Variants in RBMS1 observed in about 807,000 individuals in gnomAD.
The protein encoded by RBMS1 is RNA-binding motif, single-stranded-interacting protein 1.
RBMS1 carries 17 observed loss-of-function variants against 62.3 expected under a neutral mutation model. The observed-to-expected ratio is 0.27, with a 90% CI of 0.19 to 0.41. The LOEUF is 0.41. Among genes scored for constraint, RBMS1 ranks in the 10% least tolerant of loss-of-function variants. RBMS1 has a pLI of 1.00. For missense variants in RBMS1, 334 were observed against 504.5 expected (o/e 0.66, Z 3.24); for synonymous variants, 172 against 170.0 (o/e 1.01, Z -0.09).
chr2:160,311,940 A>G (rs1228849989), intron 4 of RBMS1, among the ~76,000 whole-genome samples: 1 of 152,242 alleles, frequency 6.6e-6, no homozygotes, highest in Non-Finnish European at 1.5e-5. Context: ...CAGTTTATTC[A>G]ACAGAGACTC....
intron 1 of RBMS1, among the ~76,000 whole-genome samples, chr2:160,454,775 G>A (rs1214577247): frequency 6.6e-6 from 1 of 152,148 alleles, no homozygotes; most frequent in Non-Finnish European, 1.5e-5. Context: ...TAGTGGGGGT[G>A]GGGCTGGGAC....
chr2:160,432,103 T>C (rs916778593), intron 1 of RBMS1, among the ~76,000 whole-genome samples: 3 of 152,206 alleles, frequency 2.0e-5, no homozygotes, highest in Admixed American at 1.3e-4. Flanking sequence ...TTTAAAAATG[T>C]ATGTCTACAT....
intron 1 of RBMS1, among the ~76,000 whole-genome samples, chr2:160,415,023 T>A (rs543994354): frequency 9.7e-4 from 148 of 152,250 alleles, no homozygotes; most frequent in Middle Eastern, 3.4e-3. Context: ...CTATTTGGGA[T>A]ACCAAGACAA....
At chr2:160,391,648 G>C (rs1694870254) in intron 1 of RBMS1, among the ~76,000 whole-genome samples, 1 of 152,124 alleles carries the variant, frequency 6.6e-6, no homozygotes, top group South Asian at 2.1e-4. Flanking sequence ...CACCACTTCA[G>C]AATTATGGAT....
intron 1 of RBMS1, among the ~76,000 whole-genome samples, chr2:160,389,806 T>TG (rs1034416664): frequency 6.7e-6 from 1 of 149,340 alleles, no homozygotes; most frequent in Admixed American, 6.7e-5. Flanking sequence ...AGTTTTTTTT[T>TG]TTTTTCAATC....
chr2:160,479,944 A>C (rs78653744), intron 1 of RBMS1, among the ~76,000 whole-genome samples: 10,480 of 152,268 alleles, frequency 0.069, 471 homozygotes, highest in South Asian at 0.1. Context: ...ATATGGCAAT[A>C]ATCAAAGCTT....
intron 1 of RBMS1, among the ~76,000 whole-genome samples, chr2:160,433,024 C>T (rs1277226043): frequency 6.6e-6 from 1 of 152,102 alleles, no homozygotes; most frequent in Non-Finnish European, 1.5e-5. Context: ...TTACGAGCTA[C>T]TCTTCTCTTC....
chr2:160,474,135 AT>A (rs1685036460), intron 1 of RBMS1, among the ~76,000 whole-genome samples: 2 of 152,156 alleles, frequency 1.3e-5, no homozygotes, highest in South Asian at 4.1e-4. Flanking sequence ...GGATATTATT[AT>A]TCAAATTTGA....
intron 4 of RBMS1, among the ~76,000 whole-genome samples, chr2:160,306,230 G>T (rs1425766537): frequency 6.6e-6 from 1 of 152,130 alleles, no homozygotes; most frequent in Non-Finnish European, 1.5e-5. Context: ...TATGTATGAA[G>T]AATTTTTAGA....
intron 1 of RBMS1, among the ~76,000 whole-genome samples, chr2:160,481,299 T>C (rs1336206862): frequency 6.7e-6 from 1 of 150,162 alleles, no homozygotes; most frequent in Non-Finnish European, 1.5e-5. Context: ...CAAACATTAA[T>C]TGGAAATTGA....
intron 1 of RBMS1, among the ~76,000 whole-genome samples, chr2:160,433,795 A>G (rs889575381): frequency 3.3e-5 from 5 of 152,234 alleles, no homozygotes; most frequent in African/African-American, 1.2e-4. Context: ...AATTCTTCAT[A>G]AAGTGAATTT....
chr2:160,457,971 G>A (rs1684312700), intron 1 of RBMS1, among the ~76,000 whole-genome samples: 1 of 151,782 alleles, frequency 6.6e-6, no homozygotes, highest in African/African-American at 2.4e-5. Flanking sequence ...TGTTGTTGTT[G>A]TTGTTGTTGT....
At chr2:160,435,719 G>T (rs1021722560) in intron 1 of RBMS1, among the ~76,000 whole-genome samples, 1 of 152,176 alleles carries the variant, frequency 6.6e-6, no homozygotes, top group Non-Finnish European at 1.5e-5. Flanking sequence ...GGAAAAGCAA[G>T]AAGTTATATG....
chr2:160,471,398 G>A (rs1370002617), intron 1 of RBMS1, among the ~76,000 whole-genome samples: 1 of 151,676 alleles, frequency 6.6e-6, no homozygotes, highest in Non-Finnish European at 1.5e-5. Flanking sequence ...AAAACTAGGA[G>A]TCTCTAATCT....
At chr2:160,361,447 T>C (rs1193032400) in intron 2 of RBMS1, among the ~76,000 whole-genome samples, 4 of 152,234 alleles carry the variant, frequency 2.6e-5, no homozygotes, top group Non-Finnish European at 5.9e-5. Context: ...GGGTAGCATG[T>C]GGCTGCAACA....
Position 160,272,892 on chromosome 2 carries a change from A to G in RBMS1, c.*1880T>C, listed in dbSNP as rs1687650480. ...TCATCAAATACAAGCATAAAATTTA[A>G]GAACTAAAAAATACTTGAAAGAAAT... On this transcript the variant is annotated 3_prime_UTR_variant, in exon 14 of 14. Transcript: ENST00000348849. 2 of 152,358 alleles carry G rather than the reference A, an allele frequency of 1.3e-5. No homozygotes were observed. Among genetic ancestry groups the G allele is most frequent in the East Asian group, 3.9e-4 (2 of 5,184 alleles). The allele number at this position is 152,358 out of a possible 1,614,324, so 9.4% of individuals were successfully genotyped here.
At chr2:160,324,882 G>GTGTATATATATATA (rs1206910746) in intron 2 of RBMS1, among the ~76,000 whole-genome samples, 50 of 100,006 alleles carry the variant, frequency 5.0e-4, no homozygotes, top group South Asian at 2.6e-3. Flanking sequence ...GTGTGTGTGT[G>GTGTATATATATATA]TATATATATA....
intron 1 of RBMS1, among the ~76,000 whole-genome samples, chr2:160,461,555 A>G (rs1684466347): frequency 6.6e-6 from 1 of 152,164 alleles, no homozygotes. Flanking sequence ...TCACCTCTGG[A>G]AGGAAAGCTG....
chr2:160,475,754 G>A (rs911638634), intron 1 of RBMS1, among the ~76,000 whole-genome samples: 2 of 151,992 alleles, frequency 1.3e-5, no homozygotes, highest in Non-Finnish European at 2.9e-5. Flanking sequence ...TTTTAGATAT[G>A]TAGCCATTTA....
Sources: gnomAD v4.1 joint callset for allele counts (sites outside exome capture counted in the v4.1 genomes callset) on GRCh38, gnomAD v4.1.1 for gene constraint, MANE v1.5 for transcripts, NCBI Gene and HGNC (gene_info 2026-07-23, HGNC 2026-07-21) for gene names.